Variants in GALNTL6 observed in about 807,000 individuals in gnomAD.
GALNTL6 encodes polypeptide N-acetylgalactosaminyltransferase-like 6.
A neutral mutation model predicts 73.7 loss-of-function variants in GALNTL6; 46 were observed. The ratio of observed to expected loss-of-function variants is 0.62; its 90% confidence interval spans 0.49 to 0.80. GALNTL6 has a LOEUF of 0.80. GALNTL6 is among the 30% of genes least tolerant of loss of function. The pLI is 0.00. For missense variants in GALNTL6, 604 were observed against 755.0 expected, an observed-to-expected ratio of 0.80 and a Z score of 2.34; for synonymous variants, 259 against 263.7, an observed-to-expected ratio of 0.98 and a Z score of 0.17.
At chr4:171,951,380 A>G (rs1366432773) in intron 2 of GALNTL6, among the ~76,000 whole-genome samples, 2 of 152,076 alleles carry the variant, frequency 1.3e-5, no homozygotes, top group African/African-American at 4.8e-5. Flanking sequence ...TGCAATGTAC[A>G]TGATAAAATG....
chr4:172,058,275 G>A (rs1011354129), intron 2 of GALNTL6, among the ~76,000 whole-genome samples: 35 of 152,020 alleles, frequency 2.3e-4, no homozygotes, highest in African/African-American at 8.2e-4. Flanking sequence ...CTTTTTAAAA[G>A]TATTTTTTCT....
chr4:172,635,808 A>T (rs79405343), intron 5 of GALNTL6, among the ~76,000 whole-genome samples: 1 of 152,244 alleles, frequency 6.6e-6, no homozygotes, highest in African/African-American at 2.4e-5. Context: ...TTCTGGTAGC[A>T]TATCATACTT....
At chr4:172,438,691 C>T (rs1731725484) in intron 5 of GALNTL6, among the ~76,000 whole-genome samples, 1 of 152,016 alleles carries the variant, frequency 6.6e-6, no homozygotes, top group African/African-American at 2.4e-5. Context: ...TGACAGGTCT[C>T]ATTTAAAATT....
chr4:172,240,330 T>G (rs1737379719), intron 3 of GALNTL6, among the ~76,000 whole-genome samples: 2 of 151,936 alleles, frequency 1.3e-5, no homozygotes, highest in Non-Finnish European at 2.9e-5. Context: ...TTCATGCCAT[T>G]CTCCTGCCTC....
chr4:172,598,854 A>G (rs1737953781), intron 5 of GALNTL6, among the ~76,000 whole-genome samples: 1 of 152,134 alleles, frequency 6.6e-6, no homozygotes, highest in African/African-American at 2.4e-5. Context: ...CACTTTATCA[A>G]CTATATCATC....
At chr4:172,354,664 CTT>C (rs1388661382) in intron 5 of GALNTL6, among the ~76,000 whole-genome samples, 38 of 151,996 alleles carry the variant, frequency 2.5e-4, no homozygotes, top group Admixed American at 2.4e-3. Flanking sequence ...CATAAAAAGT[CTT>C]TGTGCATTCG....
At chr4:172,175,801 AATTT>A (rs1160907446) in intron 2 of GALNTL6, among the ~76,000 whole-genome samples, 1 of 152,076 alleles carries the variant, frequency 6.6e-6, no homozygotes, top group African/African-American at 2.4e-5. Context: ...ATAATCTTAT[AATTT>A]ATTCTCTTTT....
chr4:172,061,133 A>G (rs927427649), intron 2 of GALNTL6, among the ~76,000 whole-genome samples: 1 of 152,254 alleles, frequency 6.6e-6, no homozygotes, highest in East Asian at 1.9e-4. Flanking sequence ...ACTAGAAAAA[A>G]ATACTTATTT....
At chr4:171,916,678 T>G (rs1737641205) in intron 2 of GALNTL6, among the ~76,000 whole-genome samples, 1 of 152,162 alleles carries the variant, frequency 6.6e-6, no homozygotes, top group African/African-American at 2.4e-5. Flanking sequence ...GTATTTTGAA[T>G]GCATTTCTAT....
At position 172,078,362 on chromosome 4, in the gene GALNTL6, A is replaced by T. The variant is rs768578365; in HGVS notation, c.139-151294A>T. ...GCTTGCTTCTCCTTCCCCTTCTGCTATGATTGTAAGTTTCGTGAGGCCTCC... is the reference window on the plus strand; with the variant it reads ...GCTTGCTTCTCCTTCCCCTTCTGCTTTGATTGTAAGTTTCGTGAGGCCTCC... On this transcript the variant is annotated intron_variant, in intron 2 of 12. Transcript: ENST00000506823. 2.4e-4 allele frequency among the ~76,000 whole-genome samples: 36 copies of T among 152,034 alleles called. 1 individual carries two copies. The highest frequency in any genetic ancestry group is 7.4e-5 in the Non-Finnish European group (5 of 68,020).
intron 4 of GALNTL6, among the ~76,000 whole-genome samples, chr4:172,339,257 C>CACCACACACACACA (rs1183829946): frequency 1.7e-5 from 2 of 120,952 alleles, no homozygotes; most frequent in African/African-American, 3.3e-5. Flanking sequence ...CACACACACA[C>CACCACACACACACA]CACACACACA....
chr4:171,895,311 T>TGGA (rs1281960965), intron 2 of GALNTL6, among the ~76,000 whole-genome samples: 9 of 152,164 alleles, frequency 5.9e-5, no homozygotes, highest in Non-Finnish European at 1.0e-4. Context: ...CAGAATCCCT[T>TGGA]GCGTGAAAAA....
At chr4:172,230,977 G>C (rs9312520) in intron 3 of GALNTL6, among the ~76,000 whole-genome samples, 2,182 of 151,990 alleles carry the variant, frequency 0.014, 56 homozygotes, top group African/African-American at 0.05. Flanking sequence ...TTATTTTCTT[G>C]CATTCCTTTT....
At chr4:172,909,725 T>C (rs1747098576) in intron 8 of GALNTL6, among the ~76,000 whole-genome samples, 2 of 152,126 alleles carry the variant, frequency 1.3e-5, no homozygotes. Flanking sequence ...TTAGAAAATA[T>C]GTTTCAAGAT....
chr4:172,984,485 T>G lies in GALNTL6; in HGVS notation c.1372-24693T>G, dbSNP rs191539237. 3.9e-3 allele frequency among the ~76,000 whole-genome samples: 591 copies of G among 152,288 alleles called. 3 individuals are homozygous for G. Among genetic ancestry groups the G allele is most frequent in the African/African-American group, 0.014 (564 of 41,554 alleles). On this transcript the variant is annotated intron_variant, in intron 10 of 12. Coordinates refer to ENST00000506823, the MANE Select transcript of GALNTL6 (RefSeq NM_001034845.3). ...GGGGATTATTACAATCAATTCAAGG[T>G]GATATTTTGGGGGGCGGGGAGCACA...
chr4:172,278,527 T>C (rs1482423091), intron 3 of GALNTL6, among the ~76,000 whole-genome samples: 13 of 152,148 alleles, frequency 8.5e-5, no homozygotes, highest in Non-Finnish European at 5.9e-5. Flanking sequence ...CATCCTGGGC[T>C]TCCCTTTCCC....
chr4:172,643,704 A>G (rs550191925), intron 5 of GALNTL6, among the ~76,000 whole-genome samples: 1 of 151,892 alleles, frequency 6.6e-6, no homozygotes, highest in African/African-American at 2.4e-5. Flanking sequence ...TTTGTTAACC[A>G]TTTTCTGTAA....
chr4:172,410,643 C>T (rs1744398055), intron 5 of GALNTL6, among the ~76,000 whole-genome samples: 1 of 152,024 alleles, frequency 6.6e-6, no homozygotes, highest in Non-Finnish European at 1.5e-5. Flanking sequence ...TGTAACTATA[C>T]TTGTTTGGTC....
intron 2 of GALNTL6, among the ~76,000 whole-genome samples, chr4:171,976,121 C>A (rs989665885): frequency 6.6e-6 from 1 of 152,142 alleles, no homozygotes; most frequent in Non-Finnish European, 1.5e-5. Flanking sequence ...CAGGGTTTCA[C>A]CATGTTGTCC....
Sources: gnomAD v4.1 joint callset for allele counts (sites outside exome capture counted in the v4.1 genomes callset) on GRCh38, gnomAD v4.1.1 for gene constraint, MANE v1.5 for transcripts, NCBI Gene and HGNC (gene_info 2026-07-23, HGNC 2026-07-21) for gene names.